Variants in KSR2 observed in about 807,000 individuals in gnomAD.
KSR2 encodes kinase suppressor of ras 2.
Under a neutral mutation model 107.8 loss-of-function variants are expected in KSR2, and 25 were observed. The ratio of observed to expected loss-of-function variants is 0.23; its 90% confidence interval spans 0.17 to 0.32. KSR2 has a LOEUF of 0.32. Among genes scored for constraint, KSR2 ranks in the 10% least tolerant of loss-of-function variants. The probability of loss-of-function intolerance (pLI) is 1.00; values close to 1 mark genes in which losing one functional copy is unlikely to be tolerated. For synonymous variants in KSR2, 480 were observed against 507.0 expected, an observed-to-expected ratio of 0.95 and a Z score of 0.71; for missense variants, 887 against 1,268.9, an observed-to-expected ratio of 0.70 and a Z score of 4.57.
At chr12:117,739,667 G>C (rs899246955) in intron 4 of KSR2, among the ~76,000 whole-genome samples, 1 of 152,182 alleles carries the variant, frequency 6.6e-6, no homozygotes, top group African/African-American at 2.4e-5. Context: ...TGGTGAGCAA[G>C]ACATGCAGGG....
In KSR2 at chr12:117,793,124, G is replaced by GCA. The variant is rs546219715; in HGVS notation, c.473-31602_473-31601dup. Among the ~76,000 whole-genome samples, 614 of 94,858 alleles carry GCA rather than the reference G, an allele frequency of 6.5e-3. 12 individuals carry two copies. Among genetic ancestry groups the GCA allele is most frequent in the African/African-American group, 0.024 (533 of 22,096 alleles). The allele number at this position is 94,858 out of a possible 152,430, so 62.2% of individuals were successfully genotyped here. On this transcript the variant is annotated intron_variant, in intron 3 of 19. Coordinates refer to ENST00000339824, the MANE Select transcript of KSR2 (RefSeq NM_173598.6). ...CTCACACCAACGTGCACACAAACATGCACACACACACTAACATGCATATAC... is the reference window on the plus strand; with the variant it reads ...CTCACACCAACGTGCACACAAACATGCACACACACACACTAACATGCATATAC...
chr12:117,784,087 G>T (rs1234530376), intron 3 of KSR2, among the ~76,000 whole-genome samples: 1 of 152,104 alleles, frequency 6.6e-6, no homozygotes, highest in South Asian at 2.1e-4. Flanking sequence ...ACATGTGCAG[G>T]TTTGTTACAG....
intron 4 of KSR2, among the ~76,000 whole-genome samples, chr12:117,712,891 T>C (rs1886839759): frequency 6.6e-6 from 1 of 152,068 alleles, no homozygotes; most frequent in African/African-American, 2.4e-5. Flanking sequence ...TATAGATATA[T>C]CTATATAGAG....
At chr12:117,670,971 C>T (rs1417952290) in intron 4 of KSR2, among the ~76,000 whole-genome samples, 1 of 152,128 alleles carries the variant, frequency 6.6e-6, no homozygotes, top group East Asian at 1.9e-4. Flanking sequence ...CATTCCCTCA[C>T]CTCACTCTCT....
chr12:117,507,057 T>G (rs1370782889), intron 14 of KSR2, among the ~76,000 whole-genome samples: 1 of 152,206 alleles, frequency 6.6e-6, no homozygotes, highest in South Asian at 2.1e-4. Context: ...AGGAAAAAAG[T>G]CTCTCATTTT....
intron 15 of KSR2, 134 bp downstream of exon 15, chr12:117,485,461 C>T: frequency 1.6e-6 from 1 of 639,126 alleles, no homozygotes; most frequent in Non-Finnish European, 2.7e-6. Context: ...CAGGTCAAGT[C>T]TAATTTCTTT....
chr12:117,712,138 C>T (rs974231149), intron 4 of KSR2, among the ~76,000 whole-genome samples: 16 of 152,218 alleles, frequency 1.1e-4, no homozygotes, highest in Admixed American at 1.0e-3. Flanking sequence ...TGGTCCTTGT[C>T]CTCCTAGGCA....
chr12:117,956,468 T>C (rs921718342), intron 1 of KSR2, among the ~76,000 whole-genome samples: 4 of 151,394 alleles, frequency 2.6e-5, no homozygotes, highest in African/African-American at 9.7e-5. Context: ...CTTGGGAAGC[T>C]GAGGTAGGAG....
chr12:117,653,977 C>T (rs1884013671), intron 5 of KSR2, among the ~76,000 whole-genome samples: 1 of 152,194 alleles, frequency 6.6e-6, no homozygotes, highest in Non-Finnish European at 1.5e-5. Flanking sequence ...TGTTTGGAGA[C>T]TTTGGCAGGC....
At chr12:117,767,257 CAAAAAAAAA>C (rs1203613217) in intron 3 of KSR2, among the ~76,000 whole-genome samples, 1 of 120,010 alleles carries the variant, frequency 8.3e-6, no homozygotes, top group Non-Finnish European at 1.7e-5. Flanking sequence ...ACTAAAAATC[CAAAAAAAAA>C]AAAAAAAAAA....
intron 1 of KSR2, among the ~76,000 whole-genome samples, chr12:117,862,433 A>C (rs993299010): frequency 2.0e-5 from 3 of 152,142 alleles, no homozygotes; most frequent in African/African-American, 7.2e-5. Flanking sequence ...TGGGTGGCCA[A>C]GGCGGGAGGA....
chr12:117,949,715 T>C (rs1454566937), intron 1 of KSR2, among the ~76,000 whole-genome samples: 1 of 152,206 alleles, frequency 6.6e-6, no homozygotes, highest in African/African-American at 2.4e-5. Context: ...AAAATTCATC[T>C]ATGGTGGAAA....
At chr12:117,514,120 A>G (rs981093890) in intron 14 of KSR2, among the ~76,000 whole-genome samples, 1 of 152,262 alleles carries the variant, frequency 6.6e-6, no homozygotes, top group African/African-American at 2.4e-5. Context: ...ACTTGCCTTC[A>G]AAACATGCAA....
chr12:117,532,070 G>A (rs527738556), intron 10 of KSR2, among the ~76,000 whole-genome samples: 2 of 152,280 alleles, frequency 1.3e-5, no homozygotes, highest in East Asian at 3.9e-4. Flanking sequence ...TTGGCAGAAT[G>A]ATTACAGTGG....
intron 1 of KSR2, among the ~76,000 whole-genome samples, chr12:117,916,229 C>CCAGTT (rs1286528254): frequency 6.6e-6 from 1 of 151,204 alleles, no homozygotes; most frequent in African/African-American, 2.4e-5. Flanking sequence ...CCCCGCCTCC[C>CCAGTT]CAGTTCAAGC....
At chr12:117,774,068 C>T (rs1889600077) in intron 3 of KSR2, among the ~76,000 whole-genome samples, 1 of 152,172 alleles carries the variant, frequency 6.6e-6, no homozygotes. Context: ...AGATCTGTAC[C>T]ATTGGAGGGT....
intron 5 of KSR2, among the ~76,000 whole-genome samples, chr12:117,602,712 T>G (rs1034881470): frequency 6.6e-5 from 10 of 152,208 alleles, no homozygotes; most frequent in Non-Finnish European, 8.8e-5. Flanking sequence ...CCTATGAATA[T>G]TTGCGTATAG....
intron 1 of KSR2, among the ~76,000 whole-genome samples, chr12:117,911,388 C>T (rs941787089): frequency 6.6e-6 from 1 of 152,166 alleles, no homozygotes; most frequent in African/African-American, 2.4e-5. Context: ...CTGTTCCTTC[C>T]TCCTGGGTCC....
At chr12:117,567,661 C>CAAAA (rs57039581) in intron 7 of KSR2, among the ~76,000 whole-genome samples, 2,704 of 134,888 alleles carry the variant, frequency 0.02, 35 homozygotes, top group Non-Finnish European at 0.03. Flanking sequence ...AGGCTTCTCG[C>CAAAA]AAAAAAAAAA....
Sources: allele counts gnomAD v4.1 joint callset (sites outside exome capture counted in the v4.1 genomes callset), GRCh38; gene constraint gnomAD v4.1.1; transcripts MANE v1.5; gene names NCBI Gene and HGNC (gene_info 2026-07-23, HGNC 2026-07-21).